ALB: variants seen among roughly 807,000 people sequenced by gnomAD.
ALB encodes albumin.
ALB carries 37 observed loss-of-function variants against 74.5 expected under a neutral mutation model. The ratio of observed to expected loss-of-function variants is 0.50; its 90% CI spans 0.38 to 0.65. The LOEUF (loss-of-function observed/expected upper bound fraction) is 0.65, where lower values mean the gene tolerates loss of function less well. ALB is among the 30% of genes least tolerant of loss of function. ALB has a pLI of 0.00. For synonymous variants in ALB, 249 were observed against 251.6 expected, an observed-to-expected ratio of 0.99 and a Z score of 0.10; for missense variants, 685 against 718.7, an observed-to-expected ratio of 0.95 and a Z score of 0.54.
At chr4:73,415,442 T>A (rs942637907) in intron 9 of ALB, 12 of 356,944 alleles carry the variant, frequency 3.4e-5, no homozygotes, top group Admixed American at 1.7e-4. Context: ...CAAAAAAAAA[T>A]TAAATTTAAA....
In ALB at chr4:73,417,723, A is replaced by G. The variant is rs557416906; in HGVS notation, c.1428+54A>G. On this transcript the variant is annotated intron_variant, in intron 11 of 14. Coordinates refer to ENST00000295897, the MANE Select transcript of ALB (RefSeq NM_000477.7). ...AATAATGAAAAAATTTTACCTTTAGATATTGATAATGCTAGCTTTCATAAG... is the reference window on the plus strand; with the variant it reads ...AATAATGAAAAAATTTTACCTTTAGGTATTGATAATGCTAGCTTTCATAAG... 35 of 1,414,128 alleles carry G rather than the reference A, an allele frequency of 2.5e-5. 1 individual carries two copies. In the South Asian group the frequency reaches 4.4e-4, roughly 18 times the overall value. The allele number at this position is 1,414,128 out of a possible 1,614,324, so 87.6% of individuals were successfully genotyped here.
Position 73,420,294 on chromosome 4 carries a change from T to C in ALB, c.1826T>C (p.Leu609Ser). ...LVAASQAALGL is the reference protein window; with the variant it reads ...LVAASQAALGS The stretch of plus-strand genomic sequence containing the variant: ...GCTGCAAGTCAAGCTGCCTTAGGCT[T>C]ATAACATCACATTTAAAAGCATCTC... The change falls in exon 14 of 15, where the codon TTA (leucine) becomes TCA (serine). Residue 609 changes from leucine (L) to serine (S), a missense_variant. Transcript: ENST00000295897. The C allele has an allele frequency of 1.9e-6, 3 of 1,611,470 alleles. No individual in the cohort carries two copies. The highest frequency in any genetic ancestry group is 2.5e-6 in the Non-Finnish European group (3 of 1,177,994).
Position 73,417,679 on chromosome 4 carries a change from T to A in ALB, c.1428+10T>A, listed in dbSNP as rs781430766. On this transcript the variant is annotated intron_variant, in intron 11 of 14. Transcript: ENST00000295897. Reference sequence around the variant, plus strand: ...CTGTGCAGAAGACTATGTGAGTCTTTAAAAAAATATAATAAATTAATAATG... The same window carrying A: ...CTGTGCAGAAGACTATGTGAGTCTTAAAAAAAATATAATAAATTAATAATG... 3 of 1,562,388 alleles carry A rather than the reference T, an allele frequency of 1.9e-6. No homozygotes were observed. In the East Asian group the frequency reaches 7.0e-5, roughly 36 times the overall value.
chr4:73,411,210 A>G (rs1311122295), intron 6 of ALB, among the ~76,000 whole-genome samples: 1 of 150,224 alleles, frequency 6.7e-6, no homozygotes, highest in Admixed American at 6.7e-5. Flanking sequence ...CATTCCTACC[A>G]TCTACACCAC....
chr4:73,413,259 C>T, intron 7 of ALB, 161 bp from the exon 8 acceptor site: 1 of 703,242 alleles, frequency 1.4e-6, no homozygotes, highest in Non-Finnish European at 2.5e-6. Flanking sequence ...GTAGTCCTAT[C>T]TACATCTCCA....
At chr4:73,420,607 A>G (rs1200713994) in intron 14 of ALB, among the ~76,000 whole-genome samples, 2 of 152,164 alleles carry the variant, frequency 1.3e-5, no homozygotes, top group African/African-American at 4.8e-5. Context: ...AGTGTTGCCC[A>G]TTGTCCTGTT....
chr4:73,405,060 A>G (rs1171649577), intron 1 of ALB, 56 bp from the exon 2 acceptor site: 1 of 1,465,232 alleles, frequency 6.8e-7, no homozygotes, highest in Non-Finnish European at 9.6e-7. Context: ...AAGTAACATT[A>G]TTACTTCTTG....
chr4:73,415,322 G>T, intron 9 of ALB, 155 bp downstream of exon 9: 1 of 926,872 alleles, frequency 1.1e-6, no homozygotes, highest in South Asian at 1.5e-5. Context: ...GAAAGAAAAA[G>T]TAGCCTTAGA....
chr4:73,410,432 G>T lies in ALB; in HGVS notation c.713+23G>T, dbSNP rs754973519. On this transcript the variant is annotated intron_variant, in intron 6 of 14. Coordinates refer to ENST00000295897, the MANE Select transcript of ALB (RefSeq NM_000477.7). ...ATGGTAAATACTTTTAAACATAGTT[G>T]GCATCTTTATAACGATGTAAATGAT... 4.0e-6 allele frequency: 6 copies of T among 1,508,332 alleles called. No homozygotes were observed. In the South Asian group the frequency reaches 4.5e-5, roughly 11 times the overall value. 93.4% of individuals were successfully genotyped at this position (1,508,332 alleles called of 1,614,324 possible). A position where few individuals can be genotyped will look rare whatever the true frequency, so the allele number is the denominator to read the frequency against.
At chr4:73,405,580 T>A (rs1022160855) in intron 2 of ALB, among the ~76,000 whole-genome samples, 2 of 151,958 alleles carry the variant, frequency 1.3e-5, no homozygotes, top group African/African-American at 2.4e-5. Context: ...CTGTGCTTAG[T>A]TGGGAATATT....
At chr4:73,415,777 TC>T (rs1333541908) in intron 9 of ALB, among the ~76,000 whole-genome samples, 1 of 152,160 alleles carries the variant, frequency 6.6e-6, no homozygotes, top group Non-Finnish European at 1.5e-5. Flanking sequence ...GTAAAATCTC[TC>T]ATTTTGGAGA....
intron 2 of ALB, among the ~76,000 whole-genome samples, chr4:73,405,747 C>G (rs1405770547): frequency 3.9e-5 from 6 of 151,934 alleles, no homozygotes; most frequent in Non-Finnish European, 8.8e-5. Flanking sequence ...CCCGCCATCA[C>G]GCCCGGCTAA....
At chr4:73,414,465 A>G (rs1718963332) in intron 8 of ALB, among the ~76,000 whole-genome samples, 1 of 152,042 alleles carries the variant, frequency 6.6e-6, no homozygotes, top group Non-Finnish European at 1.5e-5. Context: ...TCCGAGACAG[A>G]TACTATTTAT....
intron 10 of ALB, 51 bp downstream of exon 10, chr4:73,416,404 G>T (rs761382250): frequency 1.1e-5 from 15 of 1,366,428 alleles, no homozygotes; most frequent in Non-Finnish European, 1.6e-5. Context: ...AATTATTTAA[G>T]ACTTAATATA....
chr4:73,409,519 C>A (rs1016981452), intron 5 of ALB, 32 bp downstream of exon 5: 5 of 1,613,348 alleles, frequency 3.1e-6, no homozygotes, highest in Non-Finnish European at 4.2e-6. Context: ...AAAAAGAGTT[C>A]ATTATCCAAC....
intron 3 of ALB, among the ~76,000 whole-genome samples, chr4:73,408,384 A>G (rs189379763): frequency 6.6e-6 from 1 of 152,320 alleles, no homozygotes; most frequent in African/African-American, 2.4e-5. Context: ...TTTATTCACC[A>G]TGAGTTATAG....
chr4:73,405,378 T>C (rs1429377437), intron 2 of ALB, among the ~76,000 whole-genome samples: 1 of 152,172 alleles, frequency 6.6e-6, no homozygotes, highest in Non-Finnish European at 1.5e-5. Flanking sequence ...ACTTCAAATA[T>C]GACAAGTGCA....
Position 73,421,172 on chromosome 4 carries a change from C to T in ALB, c.*104C>T, listed in dbSNP as rs1421749613. On this transcript the variant is annotated 3_prime_UTR_variant, in exon 15 of 15. Coordinates refer to ENST00000295897, the MANE Select transcript of ALB (RefSeq NM_000477.7). ...TTCTTTTTCGTTGGTGTAAAGCCAA[C>T]ACCCTGTCTAAAAAACATAAATTTC... The T allele has an allele frequency of 3.0e-6, 2 of 667,310 alleles. No homozygotes were observed. The highest frequency in any genetic ancestry group is 5.4e-5 in the East Asian group (2 of 36,890). The allele number at this position is 667,310 out of a possible 1,614,324, so 41.3% of individuals were successfully genotyped here. A position where few individuals can be genotyped will look rare whatever the true frequency, so the allele number is the denominator to read the frequency against.
intron 9 of ALB, chr4:73,415,402 C>G: frequency 2.2e-6 from 1 of 459,088 alleles, no homozygotes; most frequent in Non-Finnish European, 3.8e-6. Context: ...AAATTTTGAT[C>G]TTTTTTTCTC....
Sources: gnomAD v4.1 joint callset for allele counts (sites outside exome capture counted in the v4.1 genomes callset) on GRCh38, gnomAD v4.1.1 for gene constraint, MANE v1.5 for transcripts, NCBI Gene and HGNC (gene_info 2026-07-23, HGNC 2026-07-21) for gene names.